Variants in GPHN observed in about 807,000 individuals in gnomAD.
GPHN encodes the protein gephyrin.
In GPHN, 17 loss-of-function variants were observed where a neutral mutation model predicts 95.5. The observed-to-expected ratio is 0.18, with a 90% CI of 0.12 to 0.27. The LOEUF (loss-of-function observed/expected upper bound fraction) is 0.27, where lower values mean the gene tolerates loss of function less well. Ranked by LOEUF, GPHN falls within the 10% of genes least tolerant of loss-of-function variation. The pLI, the probability that GPHN is intolerant of heterozygous loss-of-function variation, is 1.00. For missense variants in GPHN, 660 were observed against 978.1 expected (o/e 0.67, Z 4.34); for synonymous variants, 320 against 322.5 (o/e 0.99, Z 0.08).
chr14:67,410,326 A>G, the GPHN span, among the ~76,000 whole-genome samples: 1 of 152,090 alleles, frequency 6.6e-6, no homozygotes, highest in African/African-American at 2.4e-5. Context: ...ATCCCTCCAC[A>G]GGCTCTACCA....
chr14:67,405,999 T>C, the GPHN span, among the ~76,000 whole-genome samples: 1 of 152,196 alleles, frequency 6.6e-6, no homozygotes, highest in African/African-American at 2.4e-5. Flanking sequence ...GGCTCACACC[T>C]GTAATCCCAG....
chr14:67,017,759 A>G (rs2073393074), intron 9 of GPHN, among the ~76,000 whole-genome samples: 1 of 152,092 alleles, frequency 6.6e-6, no homozygotes, highest in Non-Finnish European at 1.5e-5. Flanking sequence ...AATTCTTGAG[A>G]TCATTCTGTA....
At chr14:67,572,986 TC>T in the GPHN span, among the ~76,000 whole-genome samples, 2 of 152,188 alleles carry the variant, frequency 1.3e-5, no homozygotes. Context: ...CCTGACGCTC[TC>T]CCTGGCCAGG....
chr14:66,632,844 G>A (rs917871123), intron 1 of GPHN, among the ~76,000 whole-genome samples: 2 of 152,024 alleles, frequency 1.3e-5, no homozygotes, highest in Admixed American at 6.5e-5. Context: ...AACATTCCAC[G>A]TTTGTTATGC....
chr14:67,613,847 T>C, the GPHN span: 5,592 of 160,130 alleles, frequency 0.035, 267 homozygotes, highest in African/African-American at 0.11. Context: ...CTGTGGCGCC[T>C]TGCTTTGGGG....
At chr14:67,104,164 C>T (rs901441703) in intron 13 of GPHN, among the ~76,000 whole-genome samples, 2 of 152,132 alleles carry the variant, frequency 1.3e-5, no homozygotes, top group East Asian at 1.9e-4. Context: ...TGTGATGTAT[C>T]ACATTTATTG....
the GPHN span, chr14:67,411,955 T>G: frequency 5.6e-6 from 8 of 1,432,076 alleles, no homozygotes; most frequent in South Asian, 8.8e-5. Context: ...CTGGCCCCGC[T>G]CTAGGGAGCC....
chr14:66,620,404 A>G (rs2063241546), intron 1 of GPHN, among the ~76,000 whole-genome samples: 1 of 152,182 alleles, frequency 6.6e-6, no homozygotes, highest in African/African-American at 2.4e-5. Flanking sequence ...GAGGCCTCAC[A>G]ATGATGGCAG....
intron 1 of GPHN, among the ~76,000 whole-genome samples, chr14:66,562,239 A>T (rs964703117): frequency 1.3e-5 from 2 of 152,190 alleles, no homozygotes; most frequent in Admixed American, 1.3e-4. Flanking sequence ...AGTTTCAGTT[A>T]GATGAATAAA....
chr14:66,734,299 T>C (rs1595728520), intron 2 of GPHN, among the ~76,000 whole-genome samples: 1 of 152,252 alleles, frequency 6.6e-6, no homozygotes, highest in East Asian at 1.9e-4. Flanking sequence ...CACCATTTTA[T>C]TATTTATTTA....
At chr14:67,208,538 T>C in the GPHN span, 50 of 1,342,752 alleles carry the variant, frequency 3.7e-5, no homozygotes, top group Non-Finnish European at 4.8e-5. Context: ...CTCAGGCATC[T>C]GCCACTGAAG....
intron 2 of GPHN, among the ~76,000 whole-genome samples, chr14:66,702,313 A>T (rs2068628812): frequency 6.6e-6 from 1 of 152,182 alleles, no homozygotes; most frequent in South Asian, 2.1e-4. Context: ...TTCATTAAAC[A>T]GGTCCTGTTC....
chr14:66,647,710 A>G (rs889753342), intron 1 of GPHN, among the ~76,000 whole-genome samples: 14 of 152,072 alleles, frequency 9.2e-5, no homozygotes, highest in African/African-American at 1.9e-4. Flanking sequence ...TCATAATATT[A>G]TATTGTACAG....
chr14:67,246,655 T>TG, the GPHN span, among the ~76,000 whole-genome samples: 1 of 147,608 alleles, frequency 6.8e-6, no homozygotes, highest in Non-Finnish European at 1.5e-5. Context: ...ATAGGTTTTT[T>TG]TTTTTTTTTT....
intron 9 of GPHN, chr14:66,969,694 G>A (rs1032969076): frequency 6.6e-6 from 1 of 151,900 alleles, no homozygotes; most frequent in Non-Finnish European, 1.5e-5. Flanking sequence ...CCAGCTTCTT[G>A]GGAGGCTGAG....
At chr14:66,903,697 GGTT>G (rs2065232122) in intron 5 of GPHN, among the ~76,000 whole-genome samples, 1 of 152,084 alleles carries the variant, frequency 6.6e-6, no homozygotes, top group Middle Eastern at 3.4e-3. Flanking sequence ...TTTGTTTTCT[GGTT>G]GTTTTATAAC....
At chr14:67,176,307 A>C (rs997704761) in intron 21 of GPHN, among the ~76,000 whole-genome samples, 1 of 152,148 alleles carries the variant, frequency 6.6e-6, no homozygotes, top group Non-Finnish European at 1.5e-5. Context: ...GTTTTGTCGA[A>C]GGCCTTTTCT....
chr14:67,443,157 G>GAT, the GPHN span, among the ~76,000 whole-genome samples: 1 of 152,128 alleles, frequency 6.6e-6, no homozygotes. Flanking sequence ...GGAGGCAGAG[G>GAT]ATACACTGAG....
chr14:67,559,686 G>A, the GPHN span: 19 of 1,601,904 alleles, frequency 1.2e-5, no homozygotes, highest in South Asian at 1.2e-4. Flanking sequence ...ACTCAAGTTG[G>A]CAAAGGTGGG....
Sources: allele counts gnomAD v4.1 joint callset (sites outside exome capture counted in the v4.1 genomes callset), GRCh38; gene constraint gnomAD v4.1.1; transcripts MANE v1.5; gene names NCBI Gene and HGNC (gene_info 2026-07-23, HGNC 2026-07-21).